NRDC: variants seen among roughly 807,000 people sequenced by gnomAD.
The protein encoded by NRDC is nardilysin convertase, also known as nardilysin.
Under a neutral mutation model 147.1 loss-of-function variants are expected in NRDC, and 54 were observed. The observed-to-expected ratio is 0.37, with a 90% CI of 0.29 to 0.46. The LOEUF (loss-of-function observed/expected upper bound fraction) is 0.46. NRDC is among the 20% of genes least tolerant of loss of function. The pLI is 1.00. For synonymous variants in NRDC, 440 were observed against 482.1 expected, an observed-to-expected ratio of 0.91 and a Z score of 1.14; for missense variants, 1,082 against 1,370.6, an observed-to-expected ratio of 0.79 and a Z score of 3.33.
At chr1:51,789,875 T>A (rs1678505241) in intron 29 of NRDC, 1 of 565,632 alleles carries the variant, frequency 1.8e-6, no homozygotes, top group Non-Finnish European at 3.2e-6. Flanking sequence ...GCAAGAGAGG[T>A]TAGCAGATGC....
chr1:51,818,775 G>A (rs1680083955), intron 9 of NRDC, among the ~76,000 whole-genome samples: 1 of 151,906 alleles, frequency 6.6e-6, no homozygotes, highest in Non-Finnish European at 1.5e-5. Context: ...AAGGCAATTA[G>A]TAAAAACAGA....
chr1:51,846,076 G>C (rs1212868346), intron 1 of NRDC, among the ~76,000 whole-genome samples: 2 of 151,742 alleles, frequency 1.3e-5, no homozygotes, highest in African/African-American at 4.8e-5. Context: ...TCTGGGGAAA[G>C]GAGAAAAACT....
chr1:51,794,598 G>T lies in NRDC; in HGVS notation c.2649C>A (p.Phe883Leu), dbSNP rs767311428. ...FLKYVVDKLN[F>L]KPLEQEMPVQ... ...CAGGCATCTCCTGCTCCAGAGGCTT[G>T]AAGTTTAGTTTGCTGCAAGAGAATC... Residue 883 changes from phenylalanine (F) to leucine (L), a missense_variant, in exon 24 of 31, where the codon TTC (phenylalanine) becomes TTA (leucine). By Grantham distance (22) the Phe-to-Leu change is conservative (BLOSUM62 0). Around this residue, in one of 3 missense-constraint regions of NRDC, gnomAD observed 635 missense variants for 923.8 expected, o/e 0.69. Coordinates refer to ENST00000352171, the MANE Select transcript of NRDC (RefSeq NM_001101662.2). 1.2e-6 allele frequency: 2 copies of T among 1,614,158 alleles called. No individual in the cohort carries two copies. Among genetic ancestry groups the T allele is most frequent in the South Asian group, 2.2e-5 (2 of 91,080 alleles).
chr1:51,848,875 C>CTTA (rs1283468038), intron 1 of NRDC, among the ~76,000 whole-genome samples: 2 of 152,156 alleles, frequency 1.3e-5, no homozygotes, highest in African/African-American at 4.8e-5. Context: ...TTTGCCCAAC[C>CTTA]TTATTGTGGC....
At chr1:51,866,599 G>T (rs138029056) in intron 1 of NRDC, among the ~76,000 whole-genome samples, 1 of 151,342 alleles carries the variant, frequency 6.6e-6, no homozygotes, top group East Asian at 1.9e-4. Context: ...AGATAATAAC[G>T]ATGTATTCAT....
In NRDC at chr1:51,794,475, G is replaced by A. The variant is rs1342039643; in HGVS notation, c.2772C>T (p.Tyr924=). 3 of 1,614,020 alleles carry A rather than the reference G, an allele frequency of 1.9e-6. No homozygotes were observed. Among genetic ancestry groups the A allele is most frequent in the African/African-American group, 2.7e-5 (2 of 74,920 alleles). ...GDANSEVTVY[Y]QSGTRSLREY... ...GTCTTTAGTACACCCAACTGACCTG[G>A]TAGTACACAGTGACTTCAGAGTTGG... The change falls in exon 24 of 31, where the codon TAC becomes TAT. Residue 924 remains tyrosine, a synonymous_variant. Transcript: ENST00000352171.
At position 51,852,434 on chromosome 1, in the gene NRDC, T is replaced by C. The variant is rs769967566; in HGVS notation, c.342-11920A>G. 3.2e-5 allele frequency among the ~76,000 whole-genome samples: 3 copies of C among 93,800 alleles called. No homozygotes were observed. The Admixed American group carries it at 3.6e-4, about 11-fold the overall frequency. 61.5% of individuals were successfully genotyped at this position (93,800 alleles called of 152,430 possible). A position where few individuals can be genotyped will look rare whatever the true frequency, so the allele number is the denominator to read the frequency against. On this transcript the variant is annotated intron_variant, in intron 1 of 30. Transcript: ENST00000352171. Reference sequence around the variant, plus strand: ...TATTTAGGCCATATTTGTGTATGTATATATAACTATATATATAAAATTATA... The same window carrying C: ...TATTTAGGCCATATTTGTGTATGTACATATAACTATATATATAAAATTATA...
chr1:51,830,791 A>G (rs749059369), intron 4 of NRDC, among the ~76,000 whole-genome samples: 8 of 152,232 alleles, frequency 5.3e-5, no homozygotes, highest in Non-Finnish European at 1.0e-4. Context: ...GACGGCTTCC[A>G]TGCTCACTTA....
chr1:51,858,585 G>A lies in NRDC; in HGVS notation c.342-18071C>T, dbSNP rs1026770163. On this transcript the variant is annotated intron_variant, in intron 1 of 30. Coordinates refer to ENST00000352171, the MANE Select transcript of NRDC (RefSeq NM_001101662.2). ...ATCCTGCCTCAAGAGTGAAAATAAC[G>A]ATATCCTGGATAAAATGTTGATAAA... Among the ~76,000 whole-genome samples the A allele has an allele frequency of 2.6e-5, 4 of 151,830 alleles. No homozygotes were observed. The East Asian group carries it at 5.8e-4, about 22-fold the overall frequency.
chr1:51,847,736 G>A (rs952787729), intron 1 of NRDC, among the ~76,000 whole-genome samples: 8 of 152,098 alleles, frequency 5.3e-5, no homozygotes, highest in African/African-American at 1.7e-4. Flanking sequence ...CCCGGTTCCC[G>A]CCCGTGCCTC....
At chr1:51,837,489 G>T in intron 2 of NRDC, 1 of 1,582,034 alleles carries the variant, frequency 6.3e-7, no homozygotes, top group Non-Finnish European at 8.6e-7. Context: ...TGCCTAACCT[G>T]CTTTCAGCTC....
chr1:51,860,425 C>T (rs1398459085), intron 1 of NRDC, among the ~76,000 whole-genome samples: 1 of 152,218 alleles, frequency 6.6e-6, no homozygotes, highest in Non-Finnish European at 1.5e-5. Context: ...CTATCATTCA[C>T]ACTCATAGCT....
intron 4 of NRDC, among the ~76,000 whole-genome samples, chr1:51,832,391 T>A (rs1039604417): frequency 6.6e-5 from 10 of 152,040 alleles, no homozygotes; most frequent in Admixed American, 1.3e-4. Context: ...TTAAAAAAAA[T>A]TTTTTTTGGT....
At position 51,791,661 on chromosome 1, in the gene NRDC, C is replaced by T. The variant is rs370770697; in HGVS notation, c.2877G>A (p.Gly959=). Residue 959 remains glycine, a splice_region_variant and synonymous_variant, in exon 27 of 31, where the codon GGG becomes GGA. Coordinates refer to ENST00000352171, the MANE Select transcript of NRDC (RefSeq NM_001101662.2). Reference sequence around the variant, plus strand: ...TCCTACAGGTAGGGTAGACATGGTACCTACAAGCCAGAGAGAAAAGTTATA... The same window carrying T: ...TCCTACAGGTAGGGTAGACATGGTATCTACAAGCCAGAGAGAAAAGTTATA... The part of the protein sequence containing the change: ...FDFLRTKQTL[G]YHVYPTCRNT... The T allele has an allele frequency of 6.2e-7, 1 of 1,612,584 alleles. No homozygotes were observed. Among genetic ancestry groups the T allele is most frequent in the African/African-American group, 1.3e-5 (1 of 74,872 alleles).
intron 1 of NRDC, among the ~76,000 whole-genome samples, chr1:51,848,484 A>AAT (rs1553214902): frequency 3.9e-5 from 6 of 151,926 alleles, no homozygotes; most frequent in Non-Finnish European, 7.4e-5. Context: ...CCGTCTCAAA[A>AAT]AATAATAATA....
chr1:51,871,147 T>A (rs968760222), intron 1 of NRDC, among the ~76,000 whole-genome samples: 2 of 151,938 alleles, frequency 1.3e-5, no homozygotes, highest in Non-Finnish European at 2.9e-5. Context: ...TGAAATCCCC[T>A]CTCTACTAAA....
intron 1 of NRDC, among the ~76,000 whole-genome samples, chr1:51,843,045 C>T (rs1230187739): frequency 1.1e-5 from 1 of 90,752 alleles, no homozygotes; most frequent in African/African-American, 4.4e-5. Context: ...GCCTGGGCAA[C>T]AGAGCAAAAA....
At chr1:51,859,799 T>C (rs966792486) in intron 1 of NRDC, 2 of 153,006 alleles carry the variant, frequency 1.3e-5, no homozygotes, top group African/African-American at 4.8e-5. Flanking sequence ...ATGATGTAGT[T>C]AGATGTAGGA....
chr1:51,877,973 A>G, intron 1 of NRDC: 7 of 1,213,706 alleles, frequency 5.8e-6, no homozygotes, highest in Non-Finnish European at 7.3e-6. Context: ...TAATACCAAG[A>G]CTCCCTCACC....
Sources: gnomAD v4.1 joint callset for allele counts (sites outside exome capture counted in the v4.1 genomes callset) on GRCh38, gnomAD v4.1.1 for gene constraint, gnomAD v4.1.1 regional missense constraint, MANE v1.5 for transcripts, NCBI Gene and HGNC (gene_info 2026-07-23, HGNC 2026-07-21) for gene names.